The following AGPAT3 variants were observed in gnomAD, a reference collection of about 807,000 sequenced individuals.
AGPAT3 encodes the protein 1-acylglycerol-3-phosphate O-acyltransferase 3.
A neutral mutation model predicts 47.3 loss-of-function variants in AGPAT3; 5 were observed. The observed-to-expected ratio is 0.11, with a 90% CI of 0.06 to 0.22. The LOEUF is 0.22. Among genes scored for constraint, AGPAT3 ranks in the 10% least tolerant of loss-of-function variants. The pLI is 1.00. For missense variants in AGPAT3, 315 were observed against 493.0 expected, an observed-to-expected ratio of 0.64 and a Z score of 3.42; for synonymous variants, 212 against 208.3, an observed-to-expected ratio of 1.02 and a Z score of -0.15.
At chr21:43,978,652 A>G (rs2089717053) in intron 8 of AGPAT3, among the ~76,000 whole-genome samples, 1 of 152,240 alleles carries the variant, frequency 6.6e-6, no homozygotes, top group Admixed American at 6.5e-5. Context: ...ACAGACAAGT[A>G]TGAAGGGTAA....
intron 2 of AGPAT3, among the ~76,000 whole-genome samples, chr21:43,918,639 T>C (rs1018133982): frequency 6.6e-6 from 1 of 150,554 alleles, no homozygotes; most frequent in Admixed American, 6.6e-5. Flanking sequence ...CAGGCTGAAG[T>C]GCAGTGGTAC....
intron 7 of AGPAT3, among the ~76,000 whole-genome samples, chr21:43,972,332 GAC>G (rs760763414): frequency 1.3e-5 from 2 of 152,092 alleles, no homozygotes; most frequent in Non-Finnish European, 2.9e-5. Context: ...TTTTAGTAGA[GAC>G]AGGGTTTTAC....
chr21:43,978,517 C>T (rs778644218), intron 8 of AGPAT3, among the ~76,000 whole-genome samples: 7 of 152,198 alleles, frequency 4.6e-5, no homozygotes, highest in Non-Finnish European at 1.0e-4. Context: ...ACTATGTTTC[C>T]AGGCTGGTAT....
Position 43,958,561 on chromosome 21 carries a change from G to A in AGPAT3, c.-48-1073G>A, listed in dbSNP as rs554650259. On this transcript the variant is annotated intron_variant, in intron 2 of 9. Transcript: ENST00000291572. ...AGGTGTGGTTTGTGGTGTGTGTGGT[G>A]CGTGTGGCGTGTGTGTGGTTTGTGG... is the stretch of plus-strand genomic sequence containing the variant. Among the ~76,000 whole-genome samples, 18 of 151,118 alleles carry A rather than the reference G, an allele frequency of 1.2e-4. No homozygotes were observed. The East Asian group carries it at 3.5e-3, about 30-fold the overall frequency.
intron 2 of AGPAT3, among the ~76,000 whole-genome samples, chr21:43,923,273 T>C (rs1269086733): frequency 6.6e-6 from 1 of 152,144 alleles, no homozygotes; most frequent in Non-Finnish European, 1.5e-5. Flanking sequence ...ACCTCCAGAT[T>C]CATGCACTCG....
intron 2 of AGPAT3, among the ~76,000 whole-genome samples, chr21:43,943,365 C>T (rs1403301049): frequency 6.6e-6 from 1 of 152,182 alleles, no homozygotes; most frequent in South Asian, 2.1e-4. Context: ...TGAGCCACTG[C>T]GCCCACCCGG....
At chr21:43,940,686 G>T (rs1182017538) in intron 2 of AGPAT3, among the ~76,000 whole-genome samples, 1 of 152,258 alleles carries the variant, frequency 6.6e-6, no homozygotes, top group Non-Finnish European at 1.5e-5. Context: ...CAAGGCAGGT[G>T]CTGTAGGATG....
Position 43,868,782 on chromosome 21 carries a change from T to C in AGPAT3, c.-112+3437T>C, listed in dbSNP as rs139406213. Among the ~76,000 whole-genome samples, 81 of 152,292 alleles carry C rather than the reference T, an allele frequency of 5.3e-4. 1 individual carries two copies. Among genetic ancestry groups the C allele is most frequent in the Non-Finnish European group, 9.8e-4 (67 of 68,032 alleles). ...CACCTGCTTTATGACATGCTTACCT[T>C]ATTATTTTATAAGCTCCTCTACATC... On this transcript the variant is annotated intron_variant, in intron 1 of 9. Transcript: ENST00000291572.
intron 1 of AGPAT3, among the ~76,000 whole-genome samples, chr21:43,886,630 C>A (rs1052553386): frequency 6.6e-6 from 1 of 152,170 alleles, no homozygotes; most frequent in Non-Finnish European, 1.5e-5. Context: ...CCTTCCCAGC[C>A]TTCTCTGTCT....
intron 1 of AGPAT3, among the ~76,000 whole-genome samples, chr21:43,898,238 G>A (rs1042122509): frequency 5.9e-5 from 9 of 152,174 alleles, no homozygotes; most frequent in Admixed American, 3.3e-4. Flanking sequence ...AGATATTTGC[G>A]TTGAAATATA....
chr21:43,921,905 C>A (rs983371629), intron 2 of AGPAT3, among the ~76,000 whole-genome samples: 6 of 152,096 alleles, frequency 3.9e-5, no homozygotes, highest in African/African-American at 1.2e-4. Context: ...CTGTCTCCCC[C>A]ACCAAGGTGT....
chr21:43,905,827 G>T (rs866938308), intron 2 of AGPAT3, among the ~76,000 whole-genome samples: 59 of 152,326 alleles, frequency 3.9e-4, no homozygotes, highest in South Asian at 1.5e-3. Context: ...TGAGAGGAGG[G>T]CATGGGGCTT....
chr21:43,871,090 C>G (rs760009651), intron 1 of AGPAT3, among the ~76,000 whole-genome samples: 1 of 152,188 alleles, frequency 6.6e-6, no homozygotes, highest in African/African-American at 2.4e-5. Flanking sequence ...ACAAATGTTG[C>G]CAACTGAATT....
At chr21:43,946,505 C>T (rs987781184) in intron 2 of AGPAT3, among the ~76,000 whole-genome samples, 6 of 151,672 alleles carry the variant, frequency 4.0e-5, no homozygotes, top group Non-Finnish European at 7.4e-5. Context: ...GAGGCTGAGG[C>T]AGGAGAATCA....
chr21:43,924,189 TA>T (rs1391179597), intron 2 of AGPAT3, among the ~76,000 whole-genome samples: 21 of 74,672 alleles, frequency 2.8e-4, no homozygotes, highest in African/African-American at 7.9e-4. Context: ...AATTTTTTTG[TA>T]TTTTTTTTTT....
rs978132743 is a variant in AGPAT3, at chr21:43,920,139, C to T, written c.-49+16120C>T. 6.6e-5 allele frequency among the ~76,000 whole-genome samples: 10 copies of T among 152,082 alleles called. No individual in the cohort carries two copies. The East Asian group carries it at 9.6e-4, about 15-fold the overall frequency. ...CCACGTCCGCACCCCTCCCAGAGTG[C>T]GAGGCTGTGTCTTTTTAGTCCATTT... On this transcript the variant is annotated intron_variant, in intron 2 of 9. Coordinates refer to ENST00000291572, the MANE Select transcript of AGPAT3 (RefSeq NM_020132.5). This position sits in a 1 kb window ranked among gnomAD's most constrained non-coding sequence, Gnocchi z 6.1.
chr21:43,970,701 G>A lies in AGPAT3; in HGVS notation c.559G>A (p.Val187Ile), dbSNP rs1263636978. Reference protein sequence around the residue: ...GTRFTETKHRVSMEVAAAKGL... With the variant: ...GTRFTETKHRISMEVAAAKGL... The stretch of plus-strand genomic sequence containing the variant: ...GCGCTTCACGGAGACCAAGCACCGC[G>A]TTAGCATGGAGGTGGCGGCTGCTAA... Residue 187 changes from valine to isoleucine, a missense_variant, in exon 6 of 10, where the codon GTT becomes ATT. Coordinates refer to ENST00000291572, the MANE Select transcript of AGPAT3 (RefSeq NM_020132.5). The surrounding 1 kb of genome is among the most constrained non-coding windows in gnomAD (Gnocchi z 5.8). 3.7e-6 allele frequency: 6 copies of A among 1,613,866 alleles called. No homozygotes were observed. The highest frequency in any genetic ancestry group is 5.1e-6 in the Non-Finnish European group (6 of 1,179,828).
chr21:43,975,836 T>C (rs2089600171), intron 7 of AGPAT3, among the ~76,000 whole-genome samples: 2 of 152,316 alleles, frequency 1.3e-5, no homozygotes, highest in Middle Eastern at 6.8e-3. Flanking sequence ...AGCCCAGCTG[T>C]CCCCACCTGG....
At chr21:43,869,315 GT>G (rs2085574779) in intron 1 of AGPAT3, among the ~76,000 whole-genome samples, 2 of 152,218 alleles carry the variant, frequency 1.3e-5, no homozygotes, top group African/African-American at 4.8e-5. Flanking sequence ...TTAGGCCATT[GT>G]CCTAGTCTAA....
Sources: allele counts gnomAD v4.1 joint callset (sites outside exome capture counted in the v4.1 genomes callset), GRCh38; gene constraint gnomAD v4.1.1; non-coding constraint Gnocchi (gnomAD v3.1); transcripts MANE v1.5; gene names NCBI Gene and HGNC (gene_info 2026-07-23, HGNC 2026-07-21).